Variants in SOX6 observed in about 807,000 individuals in gnomAD.
SOX6 encodes transcription factor SOX-6.
A neutral mutation model predicts 97.8 loss-of-function variants in SOX6; 11 were observed. The ratio of observed to expected loss-of-function variants is 0.11; its 90% CI spans 0.07 to 0.19. The LOEUF (loss-of-function observed/expected upper bound fraction) is 0.19. SOX6 is among the 10% of genes least tolerant of loss of function. SOX6 has a pLI of 1.00. For synonymous variants in SOX6, 360 were observed against 371.4 expected (o/e 0.97, Z 0.35); for missense variants, 810 against 1,039.5 (o/e 0.78, Z 3.04).
At chr11:15,995,904 T>A (rs1485360763) in intron 13 of SOX6, among the ~76,000 whole-genome samples, 1 of 152,094 alleles carries the variant, frequency 6.6e-6, no homozygotes, top group Non-Finnish European at 1.5e-5. Context: ...TGAAATATAC[T>A]CTCAAATGAT....
intron 1 of SOX6, among the ~76,000 whole-genome samples, chr11:16,390,815 C>T (rs1241595263): frequency 6.6e-6 from 1 of 152,142 alleles, no homozygotes; most frequent in East Asian, 1.9e-4. Context: ...CCAGAAATAC[C>T]ATTTGACACA....
chr11:16,330,315 A>G (rs1856247955), intron 2 of SOX6, among the ~76,000 whole-genome samples: 1 of 152,162 alleles, frequency 6.6e-6, no homozygotes, highest in Non-Finnish European at 1.5e-5. Context: ...GCACTTTGGG[A>G]GGCCGAGGCG....
intron 2 of SOX6, among the ~76,000 whole-genome samples, chr11:16,723,436 T>A (rs1848282056): frequency 6.6e-6 from 1 of 152,006 alleles, no homozygotes; most frequent in African/African-American, 2.4e-5. Flanking sequence ...GTGGCATGTG[T>A]TTACCTATGT....
At chr11:16,655,391 T>C (rs1281833923) in intron 3 of SOX6, among the ~76,000 whole-genome samples, 1 of 152,084 alleles carries the variant, frequency 6.6e-6, no homozygotes, top group Non-Finnish European at 1.5e-5. Flanking sequence ...GGAGCCAGAT[T>C]GGAATCCAGA....
At chr11:16,058,342 C>A (rs1463627468) in intron 9 of SOX6, among the ~76,000 whole-genome samples, 2 of 151,854 alleles carry the variant, frequency 1.3e-5, no homozygotes, top group Non-Finnish European at 2.9e-5. Flanking sequence ...TTAATGTTTT[C>A]TGTTCTCTGC....
rs576239808 is a variant in SOX6 at position 16,014,397 on chromosome 11, A to G, written c.1732+545T>C. On this transcript the variant is annotated intron_variant, in intron 13 of 15. Transcript: ENST00000683767. ...CCCAAACAATTATTAAGTTTATGCT[A>G]AAACTGCTGCAAACTATCATTTAAT... Among the ~76,000 whole-genome samples the G allele has an allele frequency of 1.7e-4, 26 of 152,184 alleles. No individual in the cohort carries two copies. In the South Asian group the frequency reaches 5.4e-3, roughly 32 times the overall value.
At chr11:16,137,119 A>G (rs937092018) in intron 6 of SOX6, among the ~76,000 whole-genome samples, 3 of 152,204 alleles carry the variant, frequency 2.0e-5, no homozygotes, top group Non-Finnish European at 4.4e-5. Context: ...AAAGAATTGT[A>G]CAAAGTGTTT....
chr11:16,064,418 C>T (rs1418004635), intron 9 of SOX6, among the ~76,000 whole-genome samples: 1 of 147,474 alleles, frequency 6.8e-6, no homozygotes, highest in Non-Finnish European at 1.5e-5. Context: ...CTACCAGAAT[C>T]CACCCCGGAA....
chr11:16,538,672 A>G (rs770037385), intron 4 of SOX6, among the ~76,000 whole-genome samples: 77 of 152,372 alleles, frequency 5.1e-4, no homozygotes, highest in Non-Finnish European at 5.9e-5. Flanking sequence ...AGGGGTTGCA[A>G]TCCTAGTCTC....
intron 7 of SOX6, among the ~76,000 whole-genome samples, chr11:16,098,845 A>G (rs1184363160): frequency 6.6e-6 from 1 of 151,904 alleles, no homozygotes; most frequent in Non-Finnish European, 1.5e-5. Context: ...TCAACTGGAA[A>G]GCAAGAAAAC....
chr11:16,483,055 C>T (rs766183115), intron 4 of SOX6, among the ~76,000 whole-genome samples: 9 of 152,148 alleles, frequency 5.9e-5, no homozygotes, highest in East Asian at 5.8e-4. Flanking sequence ...TTTCCCATTA[C>T]GATGAAAATA....
chr11:16,595,159 A>G (rs1848198000), intron 4 of SOX6, among the ~76,000 whole-genome samples: 1 of 151,850 alleles, frequency 6.6e-6, no homozygotes, highest in Non-Finnish European at 1.5e-5. Context: ...AAATTTCAGA[A>G]CCTTTCTTTT....
upstream of SOX6, among the ~76,000 whole-genome samples, chr11:16,357,506 C>T (rs769572119): frequency 1.4e-4 from 21 of 152,060 alleles, no homozygotes; most frequent in Non-Finnish European, 2.2e-4. Flanking sequence ...TTCTTAAAGA[C>T]GTATGTCTTT....
At chr11:16,036,552 C>T (rs1010146198) in intron 12 of SOX6, among the ~76,000 whole-genome samples, 8 of 152,054 alleles carry the variant, frequency 5.3e-5, no homozygotes, top group Admixed American at 1.3e-4. Flanking sequence ...ATAATGTGGA[C>T]GAGTTATGAT....
intron 13 of SOX6, among the ~76,000 whole-genome samples, chr11:16,000,564 G>T (rs1341986882): frequency 6.6e-6 from 1 of 151,464 alleles, no homozygotes; most frequent in South Asian, 2.1e-4. Context: ...TTTGCTGAAT[G>T]TTGAGGAAAA....
intron 9 of SOX6, among the ~76,000 whole-genome samples, chr11:16,079,895 T>TTA (rs1206363953): frequency 6.6e-6 from 1 of 152,062 alleles, no homozygotes; most frequent in African/African-American, 2.4e-5. Flanking sequence ...AAATGATACC[T>TTA]TATATATATC....
At chr11:16,162,360 T>C (rs1477111619) in intron 6 of SOX6, among the ~76,000 whole-genome samples, 1 of 152,182 alleles carries the variant, frequency 6.6e-6, no homozygotes, top group African/African-American at 2.4e-5. Flanking sequence ...GCAATACCCT[T>C]GATATAGTTT....
At chr11:16,484,297 C>T in intron 4 of SOX6, 3 of 1,108,924 alleles carry the variant, frequency 2.7e-6, no homozygotes, top group Non-Finnish European at 4.2e-6. Context: ...CCGACTCATC[C>T]AATGGGGAAA....
chr11:16,367,491 G>C (rs1503436), intron 1 of SOX6, among the ~76,000 whole-genome samples: 10,914 of 152,078 alleles, frequency 0.072, 475 homozygotes, highest in East Asian at 0.19. Context: ...TTCTCCCTTG[G>C]GGCTTAAAGG....
Sources: gnomAD v4.1 joint callset for allele counts (sites outside exome capture counted in the v4.1 genomes callset) on GRCh38, gnomAD v4.1.1 for gene constraint, MANE v1.5 for transcripts, NCBI Gene and HGNC (gene_info 2026-07-23, HGNC 2026-07-21) for gene names.